The following ACIN1 variants were observed in gnomAD, a reference collection of about 807,000 sequenced individuals.
The protein encoded by ACIN1 is apoptotic chromatin condensation inducer 1.
A neutral mutation model predicts 146.6 loss-of-function variants in ACIN1; 16 were observed. That is an observed-to-expected ratio of 0.11 (90% CI 0.07 to 0.17). The LOEUF is 0.17. ACIN1 is among the 10% of genes least tolerant of loss of function. The pLI, the probability that ACIN1 is intolerant of heterozygous loss-of-function variation, is 1.00. For missense variants in ACIN1, 1,357 were observed against 1,609.3 expected, an observed-to-expected ratio of 0.84 and a Z score of 2.68; for synonymous variants, 569 against 582.7, an observed-to-expected ratio of 0.98 and a Z score of 0.34.
chr14:23,071,648 G>C, intron 8 of ACIN1: 1 of 1,316,160 alleles, frequency 7.6e-7, no homozygotes, highest in Non-Finnish European at 1.0e-6. Flanking sequence ...AGCTGAGTGA[G>C]CAAGGTTCTT....
At chr14:23,070,848 CG>C (rs1555371947) in intron 8 of ACIN1, among the ~76,000 whole-genome samples, 1 of 152,028 alleles carries the variant, frequency 6.6e-6, no homozygotes, top group Non-Finnish European at 1.5e-5. Context: ...AGGGGAAAAT[CG>C]GAACTGTGCC....
At chr14:23,095,242 TC>T (rs2140269229), upstream of ACIN1, 1 of 1,608,662 alleles carries the variant, frequency 6.2e-7, no homozygotes, top group Non-Finnish European at 8.5e-7. Flanking sequence ...CACTCAGAAC[TC>T]CCCGGGTTCC....
intron 5 of ACIN1, 95 bp from the exon 6 acceptor site, chr14:23,080,904 A>C: frequency 6.6e-7 from 1 of 1,505,126 alleles, no homozygotes; most frequent in East Asian, 2.3e-5. Context: ...GGAAGGAGAA[A>C]TTCAATGATA....
intron 5 of ACIN1, 55 bp downstream of exon 5, chr14:23,081,693 G>A (rs2047947956): frequency 7.0e-7 from 1 of 1,429,340 alleles, no homozygotes; most frequent in South Asian, 1.2e-5. Context: ...CTGAAGAAGA[G>A]AAGATATCCA....
intron 8 of ACIN1, among the ~76,000 whole-genome samples, chr14:23,072,148 C>G (rs1026242136): frequency 1.3e-5 from 2 of 152,186 alleles, no homozygotes; most frequent in African/African-American, 4.8e-5. Context: ...CGTGTTACTA[C>G]TCCAACATGT....
chr14:23,059,498 AG>A, intron 18 of ACIN1, 24 bp from the exon 19 acceptor site: 1 of 1,594,232 alleles, frequency 6.3e-7, no homozygotes, highest in Non-Finnish European at 8.6e-7. Flanking sequence ...GGAAAGGCAG[AG>A]AATAGGCAGC....
intron 5 of ACIN1, 107 bp downstream of exon 5, chr14:23,081,641 A>C: frequency 9.8e-7 from 1 of 1,017,084 alleles, no homozygotes; most frequent in Non-Finnish European, 1.4e-6. Context: ...AAAAAGAAAA[A>C]CAAAACCCCT....
At chr14:23,062,373 G>A in intron 15 of ACIN1, 43 bp downstream of exon 15, 1 of 1,609,084 alleles carries the variant, frequency 6.2e-7, no homozygotes, top group Non-Finnish European at 8.5e-7. Context: ...GTCACAAAAG[G>A]AAATATATGC....
Position 23,058,941 on chromosome 14 carries a change from G to C in ACIN1, c.*207C>G, listed in dbSNP as rs558586882. 7.7e-5 allele frequency: 44 copies of C among 571,092 alleles called. No individual in the cohort carries two copies. The East Asian group carries it at 1.2e-3, about 15-fold the overall frequency. The allele number at this position is 571,092 out of a possible 1,614,324, so 35.4% of individuals were successfully genotyped here. ...CTCTCAGACTTAATGGGAAATGAGA[G>C]GGAGGGTCGGGCTAAGTCCCAAGAG... On this transcript the variant is annotated 3_prime_UTR_variant, in exon 19 of 19. Transcript: ENST00000605057.
chr14:23,084,801 T>C (rs2048046296), intron 4 of ACIN1, among the ~76,000 whole-genome samples: 4 of 152,124 alleles, frequency 2.6e-5, no homozygotes, highest in Admixed American at 2.6e-4. Context: ...GATTAGAATA[T>C]ATAGTGAAAG....
chr14:23,060,679 T>C (rs966491459), intron 18 of ACIN1, among the ~76,000 whole-genome samples: 1 of 152,078 alleles, frequency 6.6e-6, no homozygotes, highest in Non-Finnish European at 1.5e-5. Flanking sequence ...ACCCGGCTAA[T>C]TTTTGTTATT....
chr14:23,081,703 A>G (rs753298098), intron 5 of ACIN1, 45 bp downstream of exon 5: 1 of 1,475,418 alleles, frequency 6.8e-7, no homozygotes, highest in South Asian at 1.2e-5. Context: ...GAAGATATCC[A>G]AAGCATTACT....
At position 23,090,555 on chromosome 14, in the gene ACIN1, C is replaced by T; in HGVS notation, c.283G>A (p.Glu95Lys). Residue 95 changes from glutamate (E) to lysine (K), a missense_variant, in exon 3 of 19, where the codon GAA (glutamate) becomes AAA (lysine). This residue lies in a region of ACIN1 where 55 missense variants were observed against 123.9 expected (regional missense o/e 0.44). Coordinates refer to ENST00000605057, the MANE Select transcript of ACIN1 (RefSeq NM_001386863.1). The stretch of plus-strand genomic sequence containing the variant: ...TCTGCAGCTTCTCGAGCTTCACGTT[C>T]CAGACGCTGCCTAAGTAGCTCCTGC... The part of the protein sequence containing the change: ...KQQELLRQRL[E>K]REAREAAELE... 6.2e-7 allele frequency: 1 copy of T among 1,614,072 alleles called. No homozygotes were observed. The highest frequency in any genetic ancestry group is 8.5e-7 in the Non-Finnish European group (1 of 1,179,940).
At chr14:23,061,971 C>CAAAAAAAAAAAAAAAAAAAAAAAAAAAAA (rs57962360) in intron 16 of ACIN1, among the ~76,000 whole-genome samples, 197 bp downstream of exon 16, 2 of 59,128 alleles carry the variant, frequency 3.4e-5, no homozygotes, top group African/African-American at 1.5e-4. Context: ...GACTCTGTCT[C>CAAAAAAAAAAAAAAAAAAAAAAAAAAAAA]AAAAAAAAAA....
rs746396568 is a variant in ACIN1 at position 23,080,669 on chromosome 14, T to G, written c.666A>C (p.Glu222Asp). 2.7e-5 allele frequency: 44 copies of G among 1,613,494 alleles called. No homozygotes were observed. The highest frequency in any genetic ancestry group is 3.6e-5 in the Non-Finnish European group (42 of 1,179,798). Residue 222 changes from glutamate (E) to aspartate (D), a missense_variant, in exon 6 of 19, where the codon GAA becomes GAC. This residue lies in a region of ACIN1 where 771 missense variants were observed against 746.6 expected (regional missense o/e 1.03). Transcript: ENST00000605057. The stretch of plus-strand genomic sequence containing the variant: ...CACCTTCCTCTTCTTCATCATCTTC[T>G]TCCTCCTCCTCCTCCTCCTCTTCTT... ...EEEEEEEEEE[E>D]EDDEEEEGDD...
intron 5 of ACIN1, among the ~76,000 whole-genome samples, chr14:23,081,059 T>TC (rs2047932376): frequency 6.8e-6 from 1 of 147,144 alleles, no homozygotes; most frequent in African/African-American, 2.5e-5. Flanking sequence ...AGCACCCCCT[T>TC]TTTTTTTTTT....
At position 23,071,007 on chromosome 14, in the gene ACIN1, A is replaced by G. The variant is rs1365176701; in HGVS notation, c.2124-1390T>C. The G allele has an allele frequency of 5.1e-6, 6 of 1,178,934 alleles. No individual in the cohort carries two copies. The East Asian group carries it at 1.0e-4, about 20-fold the overall frequency. 73.0% of individuals were successfully genotyped at this position (1,178,934 alleles called of 1,614,324 possible). A position where few individuals can be genotyped will look rare whatever the true frequency, so the allele number is the denominator to read the frequency against. On this transcript the variant is annotated intron_variant, in intron 8 of 18. Transcript: ENST00000605057. ...GGCAGGCAGGACAAAGGGGGAAGGC[A>G]GAATGACTGAAAACAAACCAAAACG...
chr14:23,087,875 TCTGA>T (rs1198462470), intron 4 of ACIN1, among the ~76,000 whole-genome samples: 2 of 152,218 alleles, frequency 1.3e-5, no homozygotes, highest in African/African-American at 4.8e-5. Context: ...TTCCTATCTC[TCTGA>T]CTTTGTTCCT....
rs138736475 is a variant in ACIN1, at chr14:23,063,450, T to G, written c.2723A>C (p.His908Pro). 9.3e-6 allele frequency: 15 copies of G among 1,614,010 alleles called. No individual in the cohort carries two copies. In the African/African-American group the frequency reaches 2.0e-4, roughly 22 times the overall value. The change falls in exon 13 of 19, where the codon CAT becomes CCT. Residue 908 changes from histidine to proline, a missense_variant. Around this residue, in one of 4 missense-constraint regions of ACIN1, gnomAD observed 509 missense variants for 719.6 expected, o/e 0.71. Transcript: ENST00000605057. ...ATGTCACTCACCTTTCTTTACTTCA[T>G]GCTCTGCAGGTGGGGGCAAGGCCAC... ...VEVALPPPAE[H>P]EVKKVTLGDT...
Sources: gnomAD v4.1 joint callset for allele counts (sites outside exome capture counted in the v4.1 genomes callset) on GRCh38, gnomAD v4.1.1 for gene constraint, gnomAD v4.1.1 regional missense constraint, MANE v1.5 for transcripts, NCBI Gene and HGNC (gene_info 2026-07-23, HGNC 2026-07-21) for gene names.